Variants in STKLD1 observed in about 807,000 individuals in gnomAD.
STKLD1 encodes the protein serine/threonine kinase like domain containing 1.
A neutral mutation model predicts 80.4 loss-of-function variants in STKLD1; 79 were observed. The observed-to-expected ratio is 0.98, with a 90% confidence interval of 0.82 to 1.19. The LOEUF (loss-of-function observed/expected upper bound fraction) is 1.19, where lower values mean the gene tolerates loss of function less well. Ranked by LOEUF, STKLD1 falls within the 50% of genes most tolerant of loss-of-function variation. The probability of loss-of-function intolerance (pLI) is 0.00; values close to 1 mark genes in which losing one functional copy is unlikely to be tolerated. For synonymous variants in STKLD1, 393 were observed against 357.6 expected, an observed-to-expected ratio of 1.10 and a Z score of -1.12; for missense variants, 841 against 856.0, an observed-to-expected ratio of 0.98 and a Z score of 0.22.
chr9:133,383,181 G>A (rs1407853096), intron 2 of STKLD1, among the ~76,000 whole-genome samples: 1 of 151,046 alleles, frequency 6.6e-6, no homozygotes, highest in Non-Finnish European at 1.5e-5. Flanking sequence ...TGTGATGATG[G>A]TGATGATGGT....
chr9:133,393,775 G>C (rs1838486945), intron 7 of STKLD1: 1 of 153,462 alleles, frequency 6.5e-6, no homozygotes, highest in African/African-American at 2.4e-5. Context: ...TTACTGTTGG[G>C]CTGGGGAATG....
chr9:133,376,513 G>T lies in STKLD1; in HGVS notation c.40G>T (p.Gly14Trp), dbSNP rs782186441. 3.7e-6 allele frequency: 6 copies of T among 1,600,986 alleles called. No homozygotes were observed. The highest frequency in any genetic ancestry group is 5.1e-6 in the Non-Finnish European group (6 of 1,175,586). ...PGSNRRRPTQGERGPGSPGEP... is the reference protein window; with the variant it reads ...PGSNRRRPTQWERGPGSPGEP... ...GTCCAATCGCAGGCGCCCCACGCAG[G>T]GGGAGCGAGGCCCAGGGTCCCCCGG... Residue 14 changes from glycine to tryptophan, a missense_variant, in exon 1 of 18, where the codon GGG (glycine) becomes TGG (tryptophan). Gly to Trp is a radical substitution (Grantham distance 184). Transcript: ENST00000371957.
At position 133,403,788 on chromosome 9, in the gene STKLD1, A is replaced by C. The variant is rs28510482; in HGVS notation, c.1563A>C (p.Ala521=). The change falls in exon 15 of 18, where the codon GCA becomes GCC. Residue 521 remains alanine, a synonymous_variant. Coordinates refer to ENST00000371957, the MANE Select transcript of STKLD1 (RefSeq NM_153710.5). ...LATYPADGEM[A]EASCGVFWLL... The stretch of plus-strand genomic sequence containing the variant: ...CCTACCCTGCGGATGGGGAAATGGC[A>C]GAAGCCAGCTGCGGAGTCTTCTGGC... 182 of 1,613,454 alleles carry C rather than the reference A, an allele frequency of 1.1e-4. No homozygotes were observed. The highest frequency in any genetic ancestry group is 1.5e-4 in the Non-Finnish European group (175 of 1,179,906).
chr9:133,382,926 ATAG>A (rs1290593228), intron 2 of STKLD1, among the ~76,000 whole-genome samples: 32 of 135,838 alleles, frequency 2.4e-4, no homozygotes, highest in African/African-American at 7.0e-4. Flanking sequence ...GATGGGGATA[ATAG>A]TGGTGGTGGT....
chr9:133,383,256 T>TGACG, intron 2 of STKLD1, among the ~76,000 whole-genome samples: 1 of 99,758 alleles, frequency 1.0e-5, no homozygotes. Context: ...ATGGTGGTGG[T>TGACG]GTTGGAGTGA....
At position 133,402,980 on chromosome 9, in the gene STKLD1, GC is replaced by G; in HGVS notation, c.1444del (p.Leu482TrpfsTer14). The G allele has an allele frequency of 6.3e-7, 1 of 1,576,466 alleles. No homozygotes were observed. Among genetic ancestry groups the G allele is most frequent in the Non-Finnish European group, 8.6e-7 (1 of 1,161,370 alleles). On this transcript the variant is annotated frameshift_variant, in exon 14 of 18. Transcript: ENST00000371957. LOFTEE classifies it high-confidence loss of function. ...GAAAGCAGGGACGTCTGCGCCAGCG[GC>G]CTGGGCCTGCTCTGGGCCCTCCTGC... is the stretch of plus-strand genomic sequence containing the variant. ...SLESRDVCASGLGLLWALLLD... is the reference protein window; with the variant it reads ...SLESRDVCASXLGLLWALLLD...
At chr9:133,403,057 C>T (rs1355683359) in intron 14 of STKLD1, 45 bp downstream of exon 14, 1 of 1,524,360 alleles carries the variant, frequency 6.6e-7, no homozygotes, top group East Asian at 2.5e-5. Context: ...TGGCAGCCCT[C>T]CCCCAGCCCC....
Position 133,376,563 on chromosome 9 carries a change from G to C in STKLD1, c.87+3G>C. ...GAGAGCCCATGGAGAAGTACCAGGT[G>C]CCGAGTGTTCCCTGCGGGGAGGCGG... On this transcript the variant is annotated splice_donor_region_variant and intron_variant, in intron 1 of 17. Coordinates refer to ENST00000371957, the MANE Select transcript of STKLD1 (RefSeq NM_153710.5). 2.5e-6 allele frequency: 4 copies of C among 1,592,050 alleles called. No homozygotes were observed. The highest frequency in any genetic ancestry group is 3.4e-6 in the Non-Finnish European group (4 of 1,171,714).
chr9:133,392,615 A>ATGAG (rs1838429625), intron 7 of STKLD1, among the ~76,000 whole-genome samples: 1 of 75,396 alleles, frequency 1.3e-5, no homozygotes, highest in Non-Finnish European at 2.6e-5. Context: ...GGATGGATGG[A>ATGAG]TGGATGGATG....
chr9:133,380,977 A>C (rs1222993252), intron 2 of STKLD1, among the ~76,000 whole-genome samples: 1 of 152,024 alleles, frequency 6.6e-6, no homozygotes, highest in Non-Finnish European at 1.5e-5. Flanking sequence ...GCTTGTTCTC[A>C]ATTTTTCACT....
chr9:133,396,915 G>A (rs924028066), intron 9 of STKLD1, among the ~76,000 whole-genome samples: 1 of 152,216 alleles, frequency 6.6e-6, no homozygotes, highest in African/African-American at 2.4e-5. Flanking sequence ...GCCCCGGACT[G>A]TCCCCCAGCT....
intron 17 of STKLD1, 75 bp downstream of exon 17, chr9:133,405,004 G>A: frequency 1.3e-6 from 2 of 1,563,632 alleles, no homozygotes; most frequent in Non-Finnish European, 8.6e-7. Context: ...ATAACTGACA[G>A]GGAAGGAGCA....
chr9:133,387,721 T>G (rs2130280528), intron 5 of STKLD1, 173 bp downstream of exon 5: 1 of 696,742 alleles, frequency 1.4e-6, no homozygotes, highest in African/African-American at 1.7e-5. Context: ...AGATCTTAAG[T>G]GCACAGTTTG....
chr9:133,403,600 T>C (rs1838764332), intron 14 of STKLD1, 100 bp from the exon 15 acceptor site: 1 of 1,447,742 alleles, frequency 6.9e-7, no homozygotes, highest in Non-Finnish European at 9.4e-7. Flanking sequence ...ATTTCTGCTG[T>C]TGTCGTTAGC....
chr9:133,402,536 A>G (rs1302306795), intron 13 of STKLD1, among the ~76,000 whole-genome samples: 1 of 152,246 alleles, frequency 6.6e-6, no homozygotes, highest in Non-Finnish European at 1.5e-5. Flanking sequence ...AGTTCATCCT[A>G]CCGGGATAGG....
chr9:133,382,521 T>C (rs1838156935), intron 2 of STKLD1, among the ~76,000 whole-genome samples: 1 of 150,568 alleles, frequency 6.6e-6, no homozygotes, highest in Non-Finnish European at 1.5e-5. Flanking sequence ...ATGATGGTGA[T>C]GATGATGGTG....
rs2130280144 is a variant in STKLD1 at position 133,387,590 on chromosome 9, C to T, written c.396+42C>T. The T allele has an allele frequency of 2.3e-5, 35 of 1,516,924 alleles. No homozygotes were observed. In the Admixed American group the frequency reaches 5.7e-4, roughly 25 times the overall value. The allele number at this position is 1,516,924 out of a possible 1,614,324, so 94.0% of individuals were successfully genotyped here. A position where few individuals can be genotyped will look rare whatever the true frequency, so the allele number is the denominator to read the frequency against. ...CACCAGGCCTGGGGGCCACCTAGAC[C>T]TGTGACACAGGCCCTGCGGTGCAGG... is the stretch of plus-strand genomic sequence containing the variant. On this transcript the variant is annotated intron_variant, in intron 5 of 17. Coordinates refer to ENST00000371957, the MANE Select transcript of STKLD1 (RefSeq NM_153710.5).
chr9:133,385,592 C>T lies in STKLD1; in HGVS notation c.220-25C>T, dbSNP rs199937057. 6.8e-5 allele frequency: 109 copies of T among 1,610,964 alleles called. No individual in the cohort carries two copies. The African/African-American group carries it at 1.1e-3, about 16-fold the overall frequency. On this transcript the variant is annotated intron_variant, in intron 3 of 17. Coordinates refer to ENST00000371957, the MANE Select transcript of STKLD1 (RefSeq NM_153710.5). The surrounding 1 kb of genome is among the most constrained non-coding windows in gnomAD (Gnocchi z 4.9). ...AGGCGTGGAGAGGCACTGACTTCTC[C>T]GTTTCCTCTGCTCTATCCTGGCAGC...
At chr9:133,383,538 G>T (rs1838200515) in intron 2 of STKLD1, among the ~76,000 whole-genome samples, 1 of 2,750 alleles carries the variant, frequency 3.6e-4, no homozygotes, top group Non-Finnish European at 8.8e-4. Context: ...GATGGTGATG[G>T]TGGTGATGAA....
Sources: allele counts gnomAD v4.1 joint callset (sites outside exome capture counted in the v4.1 genomes callset), GRCh38; gene constraint gnomAD v4.1.1; non-coding constraint Gnocchi (gnomAD v3.1); transcripts MANE v1.5; gene names NCBI Gene and HGNC (gene_info 2026-07-23, HGNC 2026-07-21).